FAM193A: variants seen among roughly 807,000 people sequenced by gnomAD.
FAM193A encodes protein FAM193A.
In FAM193A, 22 loss-of-function variants were observed where a neutral mutation model predicts 126.5. The ratio of observed to expected loss-of-function variants is 0.17; its 90% confidence interval spans 0.12 to 0.25. FAM193A has a LOEUF of 0.25. FAM193A is among the 10% of genes least tolerant of loss of function. The probability of loss-of-function intolerance (pLI) is 1.00; values close to 1 mark genes in which losing one functional copy is unlikely to be tolerated. For missense variants in FAM193A, 1,675 were observed against 1,672.8 expected (o/e 1.00, Z -0.02); for synonymous variants, 761 against 646.8 (o/e 1.18, Z -2.68).
intron 1 of FAM193A, among the ~76,000 whole-genome samples, chr4:2,544,943 A>C (rs767985399): frequency 4.3e-4 from 66 of 151,796 alleles, no homozygotes; most frequent in Non-Finnish European, 8.5e-4. Flanking sequence ...GGTCGTTTCT[A>C]CTACTGATCT....
chr4:2,728,348 G>C (rs1243790463), intron 20 of FAM193A, among the ~76,000 whole-genome samples: 7 of 143,380 alleles, frequency 4.9e-5, no homozygotes, highest in African/African-American at 1.8e-4. Context: ...AGGATTACAA[G>C]CATGAACTAC....
chr4:2,583,268 C>T (rs1169307636), intron 1 of FAM193A, among the ~76,000 whole-genome samples: 4 of 152,236 alleles, frequency 2.6e-5, no homozygotes, highest in African/African-American at 9.6e-5. Flanking sequence ...GCCACTGCGC[C>T]CGGCCAAGTC....
chr4:2,612,465 C>A (rs1439555692), intron 2 of FAM193A, among the ~76,000 whole-genome samples: 1 of 152,102 alleles, frequency 6.6e-6, no homozygotes, highest in Non-Finnish European at 1.5e-5. Context: ...CACCACTGTA[C>A]TCCAGCCTGG....
At chr4:2,632,807 C>T (rs1743727695) in intron 5 of FAM193A, among the ~76,000 whole-genome samples, 1 of 152,166 alleles carries the variant, frequency 6.6e-6, no homozygotes, top group Non-Finnish European at 1.5e-5. Flanking sequence ...CACAGCCTCC[C>T]CGTCTCTACC....
At chr4:2,559,898 C>T (rs1738505678) in intron 1 of FAM193A, among the ~76,000 whole-genome samples, 2 of 152,136 alleles carry the variant, frequency 1.3e-5, no homozygotes, top group African/African-American at 4.8e-5. Flanking sequence ...GCCTGCGTGG[C>T]CTGATCGGGC....
chr4:2,671,946 G>C (rs1359408706), intron 12 of FAM193A, among the ~76,000 whole-genome samples, 175 bp from the exon 13 acceptor site: 1 of 152,188 alleles, frequency 6.6e-6, no homozygotes, highest in Admixed American at 6.5e-5. Context: ...TTCAGTCTCA[G>C]TCTCTTGGGG....
At chr4:2,681,347 A>G (rs1221196129) in intron 13 of FAM193A, among the ~76,000 whole-genome samples, 11 of 151,074 alleles carry the variant, frequency 7.3e-5, no homozygotes, top group South Asian at 4.2e-4. Flanking sequence ...TTCATTGATC[A>G]TTAATCTCTG....
chr4:2,664,007 A>G (rs1712798554), intron 12 of FAM193A, among the ~76,000 whole-genome samples: 1 of 152,228 alleles, frequency 6.6e-6, no homozygotes, highest in Non-Finnish European at 1.5e-5. Flanking sequence ...CAGTCTTTAA[A>G]TGAAAGAACA....
intron 1 of FAM193A, among the ~76,000 whole-genome samples, chr4:2,560,570 GA>G (rs1265340508): frequency 6.6e-6 from 1 of 152,148 alleles, no homozygotes; most frequent in Non-Finnish European, 1.5e-5. Context: ...TGATTTGGAA[GA>G]AAGCATCTAT....
chr4:2,656,006 C>T (rs546876332), intron 7 of FAM193A, among the ~76,000 whole-genome samples: 1 of 152,228 alleles, frequency 6.6e-6, no homozygotes, highest in South Asian at 2.1e-4. Flanking sequence ...AGACTGTTCT[C>T]AAATTCCTGG....
At chr4:2,594,820 C>CTTTTTTTTTTTTTTTTTT (rs386399069) in intron 1 of FAM193A, among the ~76,000 whole-genome samples, 4 of 62,210 alleles carry the variant, frequency 6.4e-5, no homozygotes, top group African/African-American at 1.6e-4. Context: ...TTTTCTTTTC[C>CTTTTTTTTTTTTTTTTTT]TTTTTTTTTT....
intron 7 of FAM193A, among the ~76,000 whole-genome samples, chr4:2,647,437 C>T (rs533552305): frequency 2.0e-5 from 3 of 152,154 alleles, no homozygotes; most frequent in East Asian, 3.9e-4. Flanking sequence ...TGAGCCACCA[C>T]GCCTGGTCCA....
intron 20 of FAM193A, among the ~76,000 whole-genome samples, chr4:2,729,047 G>A (rs1419469931): frequency 6.6e-6 from 1 of 151,756 alleles, no homozygotes; most frequent in Non-Finnish European, 1.5e-5. Flanking sequence ...CATCCACCAG[G>A]GATGTCAGGT....
intron 1 of FAM193A, among the ~76,000 whole-genome samples, chr4:2,586,165 C>G (rs562841120): frequency 1.3e-5 from 2 of 151,890 alleles, no homozygotes; most frequent in African/African-American, 4.8e-5. Flanking sequence ...ATCACTTGAA[C>G]CCAGGAGGGA....
At chr4:2,614,561 CTA>C (rs550231793) in intron 2 of FAM193A, among the ~76,000 whole-genome samples, 5 of 152,218 alleles carry the variant, frequency 3.3e-5, no homozygotes, top group Non-Finnish European at 4.4e-5. Context: ...GGATATTAGT[CTA>C]TAAATTTCTT....
chr4:2,622,731 C>T (rs180946760), intron 2 of FAM193A, among the ~76,000 whole-genome samples: 2 of 152,218 alleles, frequency 1.3e-5, no homozygotes, highest in East Asian at 1.9e-4. Context: ...TCTCTGTCCT[C>T]GTGCGGTGGA....
chr4:2,663,270 A>G lies in FAM193A; in HGVS notation c.2061A>G (p.Pro687=). 1 of 1,594,278 alleles carries G rather than the reference A, an allele frequency of 6.3e-7. No homozygotes were observed. The highest frequency in any genetic ancestry group is 8.5e-7 in the Non-Finnish European group (1 of 1,172,886). The change falls in exon 12 of 21, where the codon CCA becomes CCG. Residue 687 remains proline (P), a synonymous_variant. Transcript: ENST00000637812. ...AGAGCAAAGCAGACAGTCCACCCCC[A>G]TCCTACCCAACACAGCAGGTAGGAC... ...TEESKADSPP[P]SYPTQQAEQA... is the part of the protein sequence containing the mutation.
At chr4:2,689,945 C>G (rs1270734415) in intron 14 of FAM193A, among the ~76,000 whole-genome samples, 1 of 152,238 alleles carries the variant, frequency 6.6e-6, no homozygotes, top group Non-Finnish European at 1.5e-5. Flanking sequence ...TGCCCGTCAG[C>G]CCGGTGAGCC....
chr4:2,659,533 T>G, intron 8 of FAM193A, 25 bp from the exon 9 acceptor site: 2 of 1,517,364 alleles, frequency 1.3e-6, no homozygotes, highest in Non-Finnish European at 1.8e-6. Flanking sequence ...CTTGCAAGAT[T>G]AAAGCATTTT....
Sources: gnomAD v4.1 joint callset for allele counts (sites outside exome capture counted in the v4.1 genomes callset) on GRCh38, gnomAD v4.1.1 for gene constraint, MANE v1.5 for transcripts, NCBI Gene and HGNC (gene_info 2026-07-23, HGNC 2026-07-21) for gene names.